The following PKNOX1 variants were observed in gnomAD, a reference collection of about 807,000 sequenced individuals.
The protein encoded by PKNOX1 is PBX/knotted 1 homeobox 1.
In PKNOX1, 15 loss-of-function variants were observed where a neutral mutation model predicts 51.9. The observed-to-expected ratio is 0.29, with a 90% CI of 0.19 to 0.45. The LOEUF is 0.45. Among genes scored for constraint, PKNOX1 ranks in the 20% least tolerant of loss-of-function variants. The pLI is 1.00. For missense variants in PKNOX1, 462 were observed against 547.5 expected (o/e 0.84, Z 1.56); for synonymous variants, 219 against 211.1 (o/e 1.04, Z -0.32).
intron 1 of PKNOX1, among the ~76,000 whole-genome samples, chr21:43,000,522 GA>G (rs1319220135): frequency 2.0e-5 from 3 of 152,174 alleles, no homozygotes; most frequent in African/African-American, 7.2e-5. Flanking sequence ...AACAACATGG[GA>G]AAGACTTGCC....
rs147723703 is a variant in PKNOX1, at chr21:43,003,271, C to T, written c.-56-1055C>T. 3.5e-3 allele frequency among the ~76,000 whole-genome samples: 532 copies of T among 152,342 alleles called. 12 individuals carry two copies. Among genetic ancestry groups the T allele is most frequent in the Admixed American group, 0.033 (499 of 15,302 alleles). ...AGGCCATGCCGGCCGTGGTCCAGCC[C>T]GGCTGCTCTCCCCCACTCTGCAGTG... is the stretch of plus-strand genomic sequence containing the variant. On this transcript the variant is annotated intron_variant, in intron 1 of 10. Coordinates refer to ENST00000291547, the MANE Select transcript of PKNOX1 (RefSeq NM_004571.5).
In PKNOX1 at chr21:43,031,651, G is replaced by A. The variant is rs1329134635; in HGVS notation, c.*1550G>A. 2 of 152,962 alleles carry A rather than the reference G, an allele frequency of 1.3e-5. No individual in the cohort carries two copies. The highest frequency in any genetic ancestry group is 4.8e-5 in the African/African-American group (2 of 41,458). The allele number at this position is 152,962 out of a possible 1,614,324, so 9.5% of individuals were successfully genotyped here. On this transcript the variant is annotated 3_prime_UTR_variant, in exon 11 of 11. Coordinates refer to ENST00000291547, the MANE Select transcript of PKNOX1 (RefSeq NM_004571.5). The stretch of plus-strand genomic sequence containing the variant: ...GAAGTTCATTTGTTTACAGGGTCGG[G>A]AATGTCTTCAGTTCTTGAGAGTCAA...
At chr21:42,991,729 G>C (rs961468952) in intron 1 of PKNOX1, among the ~76,000 whole-genome samples, 6 of 67,244 alleles carry the variant, frequency 8.9e-5, no homozygotes, top group African/African-American at 3.8e-4. Flanking sequence ...GCGAGACTCC[G>C]TCTCAAAAAA....
chr21:42,993,983 C>T (rs1189643901), intron 1 of PKNOX1, among the ~76,000 whole-genome samples: 2 of 149,458 alleles, frequency 1.3e-5, no homozygotes, highest in South Asian at 2.1e-4. Flanking sequence ...TCCACTGGCT[C>T]AGCCTCTCAA....
intron 1 of PKNOX1, among the ~76,000 whole-genome samples, chr21:43,000,046 C>T (rs550305304): frequency 3.9e-5 from 6 of 152,218 alleles, no homozygotes; most frequent in African/African-American, 1.2e-4. Flanking sequence ...TCCCCACCTC[C>T]GAGACCTCCT....
At chr21:42,987,227 A>G (rs2059056355) in intron 1 of PKNOX1, among the ~76,000 whole-genome samples, 1 of 151,312 alleles carries the variant, frequency 6.6e-6, no homozygotes, top group African/African-American at 2.4e-5. Flanking sequence ...TACTAAAAAT[A>G]CAAAACTAGC....
intron 3 of PKNOX1, among the ~76,000 whole-genome samples, chr21:43,008,661 C>T (rs1979106249): frequency 6.6e-6 from 1 of 152,078 alleles, no homozygotes; most frequent in Non-Finnish European, 1.5e-5. Context: ...TGCCTGTAGT[C>T]CCAGCTACTC....
At chr21:43,016,437 C>G (rs1004367336) in intron 5 of PKNOX1, among the ~76,000 whole-genome samples, 2 of 152,224 alleles carry the variant, frequency 1.3e-5, no homozygotes, top group Non-Finnish European at 2.9e-5. Context: ...GCTGACTCCC[C>G]AGCACAGCTT....
At chr21:42,994,960 C>T (rs1278362965) in intron 1 of PKNOX1, among the ~76,000 whole-genome samples, 19 of 130,374 alleles carry the variant, frequency 1.5e-4, no homozygotes, top group Admixed American at 1.3e-3. Context: ...CTTGCTCTGT[C>T]GCCCAGGCTG....
intron 1 of PKNOX1, among the ~76,000 whole-genome samples, chr21:42,975,601 T>G (rs1286509907): frequency 6.6e-6 from 1 of 152,220 alleles, no homozygotes; most frequent in East Asian, 1.9e-4. Context: ...ATGCCTTATT[T>G]GGACAGTGGC....
At chr21:43,000,937 A>G (rs76185351) in intron 1 of PKNOX1, among the ~76,000 whole-genome samples, 5,159 of 152,302 alleles carry the variant, frequency 0.034, 143 homozygotes, top group Middle Eastern at 0.14. Flanking sequence ...AGGGAAGACT[A>G]GAGGCTCATA....
At chr21:42,977,001 G>A (rs547036661) in intron 1 of PKNOX1, among the ~76,000 whole-genome samples, 83 of 152,346 alleles carry the variant, frequency 5.4e-4, no homozygotes, top group Admixed American at 1.4e-3. Context: ...TAGCAGACAT[G>A]AAGACAGCAT....
Position 43,029,793 on chromosome 21 carries a change from A to G in PKNOX1, c.1100-97A>G, listed in dbSNP as rs1285524548. 3.9e-6 allele frequency: 4 copies of G among 1,025,282 alleles called. No individual in the cohort carries two copies. The East Asian group carries it at 9.6e-5, about 25-fold the overall frequency. 63.5% of individuals were successfully genotyped at this position (1,025,282 alleles called of 1,614,324 possible). Reference sequence around the variant, plus strand: ...AAACATATATAGGTGTTTTATTTTAACTTTAGGTCAAACGAGCAAACAGCA... The same window carrying G: ...AAACATATATAGGTGTTTTATTTTAGCTTTAGGTCAAACGAGCAAACAGCA... On this transcript the variant is annotated intron_variant, in intron 10 of 10. Transcript: ENST00000291547.
At chr21:43,006,096 G>C (rs1003244795) in intron 2 of PKNOX1, among the ~76,000 whole-genome samples, 1 of 151,092 alleles carries the variant, frequency 6.6e-6, no homozygotes, top group Non-Finnish European at 1.5e-5. Flanking sequence ...ATCTTTTAAG[G>C]CTTCTTATTT....
At chr21:43,015,498 C>T (rs775805092) in intron 5 of PKNOX1, among the ~76,000 whole-genome samples, 1 of 152,074 alleles carries the variant, frequency 6.6e-6, no homozygotes, top group African/African-American at 2.4e-5. Flanking sequence ...ATATTTTGTT[C>T]AGCATTTTTG....
chr21:43,028,632 G>T (rs1980085069), intron 9 of PKNOX1, 70 bp from the exon 10 acceptor site: 1 of 1,424,884 alleles, frequency 7.0e-7, no homozygotes, highest in Non-Finnish European at 9.8e-7. Flanking sequence ...TTTGTTAGAA[G>T]GATTTGTTAA....
intron 9 of PKNOX1, among the ~76,000 whole-genome samples, chr21:43,025,899 A>G (rs551316733): frequency 6.6e-6 from 1 of 152,298 alleles, no homozygotes; most frequent in South Asian, 2.1e-4. Context: ...ATGATCCTGC[A>G]TTCTTGCCAT....
intron 9 of PKNOX1, among the ~76,000 whole-genome samples, chr21:43,028,029 G>A (rs1354016896): frequency 6.6e-6 from 1 of 152,250 alleles, no homozygotes; most frequent in African/African-American, 2.4e-5. Context: ...AGTCGCCAGC[G>A]TCTGTCGGGG....
intron 9 of PKNOX1, among the ~76,000 whole-genome samples, chr21:43,027,944 C>T (rs1980054136): frequency 6.6e-6 from 1 of 152,130 alleles, no homozygotes; most frequent in South Asian, 2.1e-4. Context: ...TCCAGCCTGC[C>T]CTGCCAGCCT....
Sources: allele counts gnomAD v4.1 joint callset (sites outside exome capture counted in the v4.1 genomes callset), GRCh38; gene constraint gnomAD v4.1.1; transcripts MANE v1.5; gene names NCBI Gene and HGNC (gene_info 2026-07-23, HGNC 2026-07-21).